The following ZNRF2 variants were observed in gnomAD, a reference collection of about 807,000 sequenced individuals.
ZNRF2 encodes E3 ubiquitin-protein ligase ZNRF2.
Under a neutral mutation model 20.4 loss-of-function variants are expected in ZNRF2, and 16 were observed. The ratio of observed to expected loss-of-function variants is 0.79; its 90% CI spans 0.53 to 1.19. ZNRF2 has a LOEUF of 1.19. Among genes scored for constraint, ZNRF2 ranks in the 50% most tolerant of loss-of-function variants. The probability of loss-of-function intolerance (pLI) is 0.00; values close to 1 mark genes in which losing one functional copy is unlikely to be tolerated. For missense variants in ZNRF2, 363 were observed against 332.4 expected (o/e 1.09, Z -0.72); for synonymous variants, 178 against 144.9 (o/e 1.23, Z -1.64).
At chr7:30,365,232 A>T (rs1186866908) in intron 4 of ZNRF2, among the ~76,000 whole-genome samples, 2 of 107,906 alleles carry the variant, frequency 1.9e-5, no homozygotes, top group Non-Finnish European at 3.6e-5. Flanking sequence ...TTTTTCCTTT[A>T]GTGTCACAGT....
At chr7:30,327,696 A>G (rs1315821278) in intron 2 of ZNRF2, among the ~76,000 whole-genome samples, 1 of 151,848 alleles carries the variant, frequency 6.6e-6, no homozygotes, top group Non-Finnish European at 1.5e-5. Context: ...AAATATATAT[A>G]TTTTTGTTTT....
chr7:30,343,698 T>C (rs1284820334), intron 2 of ZNRF2, among the ~76,000 whole-genome samples: 1 of 152,002 alleles, frequency 6.6e-6, no homozygotes, highest in Non-Finnish European at 1.5e-5. Context: ...TTTTTTTTCA[T>C]TTTCATTTCC....
At chr7:30,360,759 CA>C (rs1199621782) in intron 3 of ZNRF2, among the ~76,000 whole-genome samples, 2 of 151,760 alleles carry the variant, frequency 1.3e-5, no homozygotes, top group African/African-American at 2.4e-5. Flanking sequence ...TCAAATTGAG[CA>C]AAAAAAGCAA....
intron 1 of ZNRF2, among the ~76,000 whole-genome samples, chr7:30,300,436 C>T (rs1381751405): frequency 6.6e-6 from 1 of 152,032 alleles, no homozygotes; most frequent in African/African-American, 2.4e-5. Context: ...CATGAGCCAC[C>T]ACACCCAGCC....
rs1464395516 is a variant in ZNRF2, at chr7:30,366,218, C to T, written c.*206C>T. 2 of 152,594 alleles carry T rather than the reference C, an allele frequency of 1.3e-5. No homozygotes were observed. The highest frequency in any genetic ancestry group is 6.6e-5 in the Admixed American group (1 of 15,262). The allele number at this position is 152,594 out of a possible 1,614,324, so 9.5% of individuals were successfully genotyped here. ...AAGAGAGGACAGTGACCACAGAACT[C>T]AGTGTACCAAACATGCATACAAAGG... On this transcript the variant is annotated 3_prime_UTR_variant, in exon 5 of 5. Transcript: ENST00000323037.
rs1362694280 is a variant in ZNRF2, at chr7:30,295,086, T to A, written c.469+9260T>A. ...GTGTGTGTGTGTGTGTGTGTGTGTG[T>A]GTGTGTGTGTGTGTGATTGCAGGTG... On this transcript the variant is annotated intron_variant, in intron 1 of 4. Coordinates refer to ENST00000323037, the MANE Select transcript of ZNRF2 (RefSeq NM_147128.4). Among the ~76,000 whole-genome samples the A allele has an allele frequency of 4.9e-4, 71 of 146,230 alleles. 3 individuals are homozygous for A. The highest frequency in any genetic ancestry group is 1.7e-3 in the African/African-American group (63 of 37,254).
At chr7:30,319,473 T>C (rs1799433411) in intron 1 of ZNRF2, among the ~76,000 whole-genome samples, 1 of 152,212 alleles carries the variant, frequency 6.6e-6, no homozygotes, top group African/African-American at 2.4e-5. Flanking sequence ...GGTCACCTAG[T>C]CTGTATGTAA....
intron 1 of ZNRF2, among the ~76,000 whole-genome samples, chr7:30,304,076 T>A (rs995160906): frequency 8.5e-5 from 13 of 152,146 alleles, no homozygotes; most frequent in Admixed American, 5.2e-4. Flanking sequence ...ACTAATAATA[T>A]TAGTTTACCT....
intron 1 of ZNRF2, among the ~76,000 whole-genome samples, chr7:30,318,763 T>A (rs1799416259): frequency 1.3e-5 from 2 of 152,196 alleles, no homozygotes; most frequent in African/African-American, 4.8e-5. Context: ...TATGTGTCAT[T>A]GAGTAGTTAC....
chr7:30,349,761 C>T (rs1799936246), intron 2 of ZNRF2, among the ~76,000 whole-genome samples: 1 of 152,000 alleles, frequency 6.6e-6, no homozygotes, highest in African/African-American at 2.4e-5. Context: ...GCTTTTCTCT[C>T]CTAGTGATTG....
rs1798936878 is a variant in ZNRF2 at position 30,292,882 on chromosome 7, CGGCTTTTGTTTTAAAGA to C, written c.469+7059_469+7075del. On this transcript the variant is annotated intron_variant, in intron 1 of 4. Transcript: ENST00000323037. ...CTCATAACCACTGACCTGTGGTTTG[CGGCTTTTGTTTTAAAGA>C]GGGATGGGGAGTATTTTTGTGCAGA... Among the ~76,000 whole-genome samples, 13 of 152,172 alleles carry C rather than the reference CGGCTTTTGTTTTAAAGA, an allele frequency of 8.5e-5. No homozygotes were observed. In the South Asian group the frequency reaches 2.7e-3, roughly 32 times the overall value.
chr7:30,299,760 GTTCTTCTAAAACC>G (rs1280237021), intron 1 of ZNRF2, among the ~76,000 whole-genome samples: 1 of 145,596 alleles, frequency 6.9e-6, no homozygotes, highest in East Asian at 2.0e-4. Flanking sequence ...GTCATACTGT[GTTCTTCTAAAACC>G]TGCTTTTTTT....
intron 3 of ZNRF2, among the ~76,000 whole-genome samples, chr7:30,357,154 TCTAA>T (rs1243438307): frequency 6.6e-6 from 1 of 152,202 alleles, no homozygotes; most frequent in Non-Finnish European, 1.5e-5. Context: ...TTAAGTTTGA[TCTAA>T]CTGATGTGTA....
intron 2 of ZNRF2, among the ~76,000 whole-genome samples, chr7:30,348,830 G>A (rs962366451): frequency 3.3e-5 from 5 of 152,146 alleles, no homozygotes; most frequent in East Asian, 1.9e-4. Context: ...TGTGACCCAT[G>A]CATACTGATT....
At chr7:30,364,476 C>T (rs989948161) in intron 4 of ZNRF2, among the ~76,000 whole-genome samples, 2 of 152,004 alleles carry the variant, frequency 1.3e-5, no homozygotes, top group African/African-American at 4.8e-5. Flanking sequence ...TAGCAAGTCC[C>T]TGTCTAAATA....
intron 2 of ZNRF2, among the ~76,000 whole-genome samples, chr7:30,330,982 C>T (rs979086419): frequency 2.6e-5 from 4 of 152,124 alleles, no homozygotes; most frequent in Non-Finnish European, 4.4e-5. Flanking sequence ...TAACTTGATA[C>T]AGCTTACATT....
chr7:30,289,576 T>C (rs1399555731), intron 1 of ZNRF2, among the ~76,000 whole-genome samples: 1 of 152,220 alleles, frequency 6.6e-6, no homozygotes, highest in East Asian at 1.9e-4. Flanking sequence ...CCCCTGCCAC[T>C]CCTGAAGTAA....
chr7:30,285,297 C>A lies in ZNRF2; in HGVS notation c.-61C>A. The A allele has an allele frequency of 2.9e-6, 3 of 1,047,626 alleles. No individual in the cohort carries two copies. Among genetic ancestry groups the A allele is most frequent in the Non-Finnish European group, 3.4e-6 (3 of 870,960 alleles). The allele number at this position is 1,047,626 out of a possible 1,614,324, so 64.9% of individuals were successfully genotyped here. A position where few individuals can be genotyped will look rare whatever the true frequency, so the allele number is the denominator to read the frequency against. ...GGCCCTGCCCTCTAGCTCCCGCGCT[C>A]GCTCCCGCCCTCCCGGCTCTCGGGG... is the stretch of plus-strand genomic sequence containing the variant. On this transcript the variant is annotated 5_prime_UTR_variant, in exon 1 of 5. Coordinates refer to ENST00000323037, the MANE Select transcript of ZNRF2 (RefSeq NM_147128.4).
chr7:30,346,203 T>TTG (rs1414898212), intron 2 of ZNRF2, among the ~76,000 whole-genome samples: 73 of 122,686 alleles, frequency 6.0e-4, no homozygotes, highest in Non-Finnish European at 9.0e-4. Flanking sequence ...TTTTTTTTTT[T>TTG]TGTGCGTGTG....
Sources: allele counts gnomAD v4.1 joint callset (sites outside exome capture counted in the v4.1 genomes callset), GRCh38; gene constraint gnomAD v4.1.1; transcripts MANE v1.5; gene names NCBI Gene and HGNC (gene_info 2026-07-23, HGNC 2026-07-21).